SOX6: variants seen among roughly 807,000 people sequenced by gnomAD.
The protein encoded by SOX6 is SRY-box transcription factor 6, also known as transcription factor SOX-6.
Under a neutral mutation model 97.8 loss-of-function variants are expected in SOX6, and 11 were observed. The observed-to-expected ratio is 0.11, with a 90% CI of 0.07 to 0.19. The LOEUF (loss-of-function observed/expected upper bound fraction) is 0.19. Among genes scored for constraint, SOX6 ranks in the 10% least tolerant of loss-of-function variants. The pLI is 1.00. For missense variants in SOX6, 810 were observed against 1,039.5 expected, an observed-to-expected ratio of 0.78 and a Z score of 3.04; for synonymous variants, 360 against 371.4, an observed-to-expected ratio of 0.97 and a Z score of 0.35.
intron 3 of SOX6, among the ~76,000 whole-genome samples, chr11:16,621,936 T>A (rs1848550287): frequency 6.6e-6 from 1 of 152,238 alleles, no homozygotes; most frequent in South Asian, 2.1e-4. Flanking sequence ...ACTCATTTTT[T>A]GCTCAGGCCT....
intron 4 of SOX6, among the ~76,000 whole-genome samples, chr11:16,200,518 C>T (rs138054009): frequency 1.2e-4 from 18 of 152,130 alleles, no homozygotes; most frequent in Admixed American, 4.6e-4. Flanking sequence ...AAAAACAATG[C>T]ATTCTTTCCA....
chr11:16,439,996 A>G lies in SOX6; in HGVS notation c.-5+36319T>C, dbSNP rs138042912. Among the ~76,000 whole-genome samples, 23 of 152,300 alleles carry G rather than the reference A, an allele frequency of 1.5e-4. 2 individuals carry two copies. The highest frequency in any genetic ancestry group is 5.3e-4 in the African/African-American group (22 of 41,578). On this transcript the variant is annotated intron_variant, in intron 1 of 15. Coordinates refer to the SOX6 transcript ENST00000396356. Reference sequence around the variant, plus strand: ...TGCACACTTTAAGTTCCATATATAGACACCAAGCACTGAAGGAAACAGGAA... The same window carrying G: ...TGCACACTTTAAGTTCCATATATAGGCACCAAGCACTGAAGGAAACAGGAA...
At chr11:16,111,747 C>T (rs1849234491) in intron 7 of SOX6, 56 bp downstream of exon 7, 1 of 1,604,576 alleles carries the variant, frequency 6.2e-7, no homozygotes, top group African/African-American at 1.3e-5. Flanking sequence ...GAGTACTAAG[C>T]ATAAACATGC....
At chr11:16,649,237 A>G (rs1849057626) in intron 3 of SOX6, among the ~76,000 whole-genome samples, 1 of 152,202 alleles carries the variant, frequency 6.6e-6, no homozygotes, top group Admixed American at 6.5e-5. Context: ...CCTGCTAGCA[A>G]TCTAGACATC....
intron 1 of SOX6, among the ~76,000 whole-genome samples, chr11:16,474,924 T>A (rs1279548653): frequency 6.6e-6 from 1 of 152,224 alleles, no homozygotes; most frequent in Non-Finnish European, 1.5e-5. Context: ...CCTTCATCAA[T>A]GGTCTTACCT....
chr11:16,728,833 GA>G (rs1192161519), intron 2 of SOX6, among the ~76,000 whole-genome samples: 2 of 152,048 alleles, frequency 1.3e-5, no homozygotes, highest in Non-Finnish European at 2.9e-5. Context: ...TAAGAACCCT[GA>G]AAAAAGGTTA....
intron 1 of SOX6, among the ~76,000 whole-genome samples, chr11:16,442,228 T>C (rs2133086754): frequency 6.6e-6 from 1 of 152,330 alleles, no homozygotes; most frequent in African/African-American, 2.4e-5. Context: ...TCATGCTCTC[T>C]ATAATCTGGT....
chr11:16,175,675 C>T (rs1160695972), intron 6 of SOX6, among the ~76,000 whole-genome samples: 1 of 151,802 alleles, frequency 6.6e-6, no homozygotes, highest in Non-Finnish European at 1.5e-5. Context: ...TTAAAAAACA[C>T]TTTTAAAAAA....
At chr11:16,180,769 AT>A (rs1326317415) in intron 6 of SOX6, among the ~76,000 whole-genome samples, 6 of 151,808 alleles carry the variant, frequency 4.0e-5, no homozygotes, top group African/African-American at 1.2e-4. Context: ...AGAAGAATCT[AT>A]TTAAAAGTTT....
At chr11:16,139,587 T>C (rs1850073453) in intron 6 of SOX6, among the ~76,000 whole-genome samples, 1 of 152,094 alleles carries the variant, frequency 6.6e-6, no homozygotes, top group Non-Finnish European at 1.5e-5. Flanking sequence ...TAAAATTCTT[T>C]AAGCACCTCC....
At chr11:16,358,658 T>C (rs1308369642), upstream of SOX6, among the ~76,000 whole-genome samples, 1 of 152,120 alleles carries the variant, frequency 6.6e-6, no homozygotes, top group Admixed American at 6.6e-5. Context: ...TTTTTCTCAA[T>C]AAGCTTCCTT....
chr11:16,133,816 G>A (rs1280816921), intron 6 of SOX6, among the ~76,000 whole-genome samples: 2 of 152,150 alleles, frequency 1.3e-5, no homozygotes, highest in African/African-American at 2.4e-5. Flanking sequence ...AGCCTCATGA[G>A]TAGCTGGGAT....
chr11:16,539,582 A>G (rs899358368), intron 4 of SOX6, among the ~76,000 whole-genome samples: 2 of 152,156 alleles, frequency 1.3e-5, no homozygotes, highest in Non-Finnish European at 2.9e-5. Context: ...AGCAAGACTA[A>G]TAAAGAAGAA....
intron 9 of SOX6, among the ~76,000 whole-genome samples, chr11:16,080,719 A>C (rs754992733): frequency 6.6e-6 from 1 of 152,192 alleles, no homozygotes; most frequent in Non-Finnish European, 1.5e-5. Context: ...GGAAGAAGAC[A>C]GGGAGAAAAA....
intron 3 of SOX6, among the ~76,000 whole-genome samples, chr11:16,633,148 A>T (rs1330780224): frequency 1.3e-5 from 2 of 152,186 alleles, no homozygotes; most frequent in Non-Finnish European, 2.9e-5. Flanking sequence ...CTGGACATGG[A>T]GTTGAGAGGG....
At chr11:16,455,488 GGTCAT>G (rs1158051029) in intron 1 of SOX6, among the ~76,000 whole-genome samples, 25 of 152,084 alleles carry the variant, frequency 1.6e-4, no homozygotes, top group South Asian at 4.2e-4. Flanking sequence ...ACAGCAAAGT[GGTCAT>G]ATCAACCCGA....
chr11:16,088,357 T>A (rs1186568987), intron 9 of SOX6, among the ~76,000 whole-genome samples: 1 of 152,134 alleles, frequency 6.6e-6, no homozygotes, highest in Non-Finnish European at 1.5e-5. Flanking sequence ...ATTTTATGTG[T>A]TTGGACAAAT....
rs141471488 is a variant in SOX6, at chr11:16,392,069, AT to A, written c.-4-50818del. 7.2e-3 allele frequency among the ~76,000 whole-genome samples: 1,101 copies of A among 152,240 alleles called. 16 individuals are homozygous for A. The highest frequency in any genetic ancestry group is 0.024 in the African/African-American group (984 of 41,560). ...AAATGACATAGAGCTCCAAGCCATA[AT>A]TTTAAATGAAAAAAGCATGTAAAGT... On this transcript the variant is annotated intron_variant, in intron 1 of 15. Coordinates refer to the SOX6 transcript ENST00000396356.
rs1207194061 is a variant in SOX6, at chr11:16,605,094, G to A, written n.609+6987C>T. ...AGCGGCCGGGCTCGGGCTGGGTCCC[G>A]GGGCGGGTGGCAGCACCGCCCCCTG... On this transcript the variant is annotated intron_variant and non_coding_transcript_variant, in intron 4 of 5. Transcript: ENST00000524520. The surrounding 1 kb of genome is among the most constrained non-coding windows in gnomAD (Gnocchi z 5.3). 6.6e-6 allele frequency among the ~76,000 whole-genome samples: 1 copy of A among 151,710 alleles called. No individual in the cohort carries two copies. The highest frequency in any genetic ancestry group is 1.5e-5 in the Non-Finnish European group (1 of 67,926).
Sources: gnomAD v4.1 joint callset for allele counts (sites outside exome capture counted in the v4.1 genomes callset) on GRCh38, gnomAD v4.1.1 for gene constraint, Gnocchi (gnomAD v3.1) non-coding constraint, MANE v1.5 for transcripts, NCBI Gene and HGNC (gene_info 2026-07-23, HGNC 2026-07-21) for gene names.